Variants in GRM7 observed in about 807,000 individuals in gnomAD.
GRM7 encodes glutamate metabotropic receptor 7, also known as metabotropic glutamate receptor 7.
A neutral mutation model predicts 84.5 loss-of-function variants in GRM7; 35 were observed. That is an observed-to-expected ratio of 0.41 (90% CI 0.32 to 0.55). GRM7 has a LOEUF of 0.55. Among genes scored for constraint, GRM7 ranks in the 20% least tolerant of loss-of-function variants. The pLI, the probability that GRM7 is intolerant of heterozygous loss-of-function variation, is 0.19. For synonymous variants in GRM7, 487 were observed against 455.1 expected (o/e 1.07, Z -0.89); for missense variants, 1,003 against 1,194.6 (o/e 0.84, Z 2.36).
chr3:7,683,781 A>T (rs1700473112), intron 9 of GRM7, among the ~76,000 whole-genome samples: 1 of 152,214 alleles, frequency 6.6e-6, no homozygotes, highest in East Asian at 1.9e-4. Flanking sequence ...TTTACATTGT[A>T]TTTAAATTTA....
intron 8 of GRM7, among the ~76,000 whole-genome samples, chr3:7,626,322 G>T (rs982091736): frequency 1.3e-5 from 2 of 152,176 alleles, no homozygotes; most frequent in Admixed American, 6.5e-5. Flanking sequence ...GAAACGTCCA[G>T]AAGGCAACTA....
At chr3:7,537,157 T>G (rs145623799) in intron 7 of GRM7, among the ~76,000 whole-genome samples, 1 of 152,278 alleles carries the variant, frequency 6.6e-6, no homozygotes, top group East Asian at 1.9e-4. Context: ...TGTGTAAACT[T>G]GAGCATGATT....
chr3:7,154,885 A>G (rs1298926639), intron 2 of GRM7, among the ~76,000 whole-genome samples: 1 of 152,120 alleles, frequency 6.6e-6, no homozygotes, highest in Non-Finnish European at 1.5e-5. Flanking sequence ...GTCTTCACAA[A>G]AATGTTCAGA....
At chr3:7,729,869 C>CTTTTTTT (rs1168461157) in intron 9 of GRM7, among the ~76,000 whole-genome samples, 26 of 69,966 alleles carry the variant, frequency 3.7e-4, no homozygotes, top group South Asian at 7.6e-4. Context: ...CCACCTCCGG[C>CTTTTTTT]TTTTTTTTTT....
At chr3:7,092,607 G>T (rs991877412) in intron 1 of GRM7, among the ~76,000 whole-genome samples, 2 of 148,616 alleles carry the variant, frequency 1.3e-5, no homozygotes, top group Non-Finnish European at 3.0e-5. Context: ...AATTGGGGGG[G>T]GGGCAATTTA....
intron 1 of GRM7, among the ~76,000 whole-genome samples, chr3:7,118,259 T>A (rs1365709620): frequency 6.6e-6 from 1 of 151,752 alleles, no homozygotes; most frequent in African/African-American, 2.4e-5. Context: ...GGCATGGTTG[T>A]ATGCATCTGT....
intron 2 of GRM7, among the ~76,000 whole-genome samples, chr3:7,279,798 T>C (rs1483976435): frequency 1.3e-5 from 2 of 152,204 alleles, no homozygotes; most frequent in Non-Finnish European, 2.9e-5. Flanking sequence ...TCTGTGTTTA[T>C]GTCTGTGTGT....
intron 1 of GRM7, among the ~76,000 whole-genome samples, chr3:6,876,617 T>TG (rs1255424828): frequency 2.7e-5 from 4 of 150,682 alleles, no homozygotes; most frequent in African/African-American, 9.8e-5. Context: ...TTTTTTTTTT[T>TG]TTGAGAAGGT....
intron 1 of GRM7, among the ~76,000 whole-genome samples, chr3:7,017,752 T>G (rs1285572456): frequency 6.6e-6 from 1 of 152,182 alleles, no homozygotes; most frequent in Non-Finnish European, 1.5e-5. Flanking sequence ...GTTGCCCATA[T>G]GGCTCTCATT....
intron 1 of GRM7, among the ~76,000 whole-genome samples, chr3:6,943,541 C>G (rs977624175): frequency 7.2e-5 from 11 of 152,018 alleles, no homozygotes; most frequent in Admixed American, 5.2e-4. Context: ...TATTCTGCTT[C>G]ATTTGTATAT....
At chr3:7,234,873 G>T (rs939787856) in intron 2 of GRM7, among the ~76,000 whole-genome samples, 3 of 152,098 alleles carry the variant, frequency 2.0e-5, no homozygotes, top group African/African-American at 7.2e-5. Context: ...CTTGAAAGGT[G>T]CCAGATCAAA....
chr3:7,312,351 TC>T (rs1700428580), intron 4 of GRM7, among the ~76,000 whole-genome samples: 1 of 151,836 alleles, frequency 6.6e-6, no homozygotes, highest in Non-Finnish European at 1.5e-5. Context: ...GGCCAGAGGA[TC>T]CCAGAAGAAG....
intron 4 of GRM7, among the ~76,000 whole-genome samples, chr3:7,310,496 C>G (rs1227545757): frequency 3.3e-5 from 5 of 152,150 alleles, no homozygotes; most frequent in African/African-American, 1.2e-4. Flanking sequence ...ACTTTAGCTT[C>G]TCTTGATTAC....
rs138622219 is a variant in GRM7 at position 7,412,191 on chromosome 3, C to T, written c.1034-2832C>T. The stretch of plus-strand genomic sequence containing the variant: ...CATTCTTACTAAGAAGGAAGCAGAC[C>T]CTCTGTTTATAGGCTGGTTGAAATG... On this transcript the variant is annotated intron_variant, in intron 4 of 9. Transcript: ENST00000357716. Among the ~76,000 whole-genome samples, 69 of 152,198 alleles carry T rather than the reference C, an allele frequency of 4.5e-4. 1 individual carries two copies. Among genetic ancestry groups the T allele is most frequent in the African/African-American group, 1.6e-3 (65 of 41,542 alleles).
At chr3:7,424,659 T>C (rs1384771961) in intron 5 of GRM7, among the ~76,000 whole-genome samples, 1 of 152,184 alleles carries the variant, frequency 6.6e-6, no homozygotes, top group Non-Finnish European at 1.5e-5. Flanking sequence ...GTCACTCATT[T>C]AATTACTCAA....
intron 1 of GRM7, among the ~76,000 whole-genome samples, chr3:6,893,461 C>A (rs530770953): frequency 1.3e-5 from 2 of 152,140 alleles, no homozygotes; most frequent in African/African-American, 2.4e-5. Context: ...TCTAACTCAT[C>A]GTTTATTTGA....
chr3:7,289,116 C>T (rs978703292), intron 2 of GRM7, among the ~76,000 whole-genome samples: 2 of 152,154 alleles, frequency 1.3e-5, no homozygotes, highest in Admixed American at 1.3e-4. Context: ...GACATTTTTA[C>T]AGAGAATCTG....
chr3:7,430,360 C>G (rs1696777354), intron 5 of GRM7, among the ~76,000 whole-genome samples: 1 of 152,030 alleles, frequency 6.6e-6, no homozygotes, highest in South Asian at 2.1e-4. Flanking sequence ...TACAATGGGC[C>G]AGTAGGCATA....
chr3:6,913,530 C>G (rs1215760670), intron 1 of GRM7, among the ~76,000 whole-genome samples: 3 of 152,122 alleles, frequency 2.0e-5, no homozygotes, highest in East Asian at 1.9e-4. Flanking sequence ...TTGATGTACT[C>G]TATTCTTATC....
Sources: allele counts gnomAD v4.1 joint callset (sites outside exome capture counted in the v4.1 genomes callset), GRCh38; gene constraint gnomAD v4.1.1; transcripts MANE v1.5; gene names NCBI Gene and HGNC (gene_info 2026-07-23, HGNC 2026-07-21).